CAVIN2: variants seen among roughly 807,000 people sequenced by gnomAD.
The protein encoded by CAVIN2 is caveolae associated protein 2.
In CAVIN2, 13 loss-of-function variants were observed where a neutral mutation model predicts 11.7. The observed-to-expected ratio is 1.11, with a 90% CI of 0.72 to 1.77. The LOEUF is 1.77. Ranked by LOEUF, CAVIN2 falls within the 40% of genes most tolerant of loss-of-function variation. The pLI, the probability that CAVIN2 is intolerant of heterozygous loss-of-function variation, is 0.00. For missense variants in CAVIN2, 549 were observed against 542.9 expected, an observed-to-expected ratio of 1.01 and a Z score of -0.11; for synonymous variants, 237 against 223.2, an observed-to-expected ratio of 1.06 and a Z score of -0.55.
intron 1 of CAVIN2, among the ~76,000 whole-genome samples, chr2:191,844,061 G>C (rs576733244): frequency 6.6e-6 from 1 of 152,234 alleles, no homozygotes; most frequent in East Asian, 1.9e-4. Flanking sequence ...TGTATGCTGG[G>C]TTTATTAAGT....
intron 1 of CAVIN2, among the ~76,000 whole-genome samples, chr2:191,836,990 CTG>C (rs1690031897): frequency 6.6e-6 from 1 of 152,118 alleles, no homozygotes; most frequent in African/African-American, 2.4e-5. Flanking sequence ...TGGGCAGTGA[CTG>C]AGATAGACCA....
chr2:191,841,514 C>A (rs1044470723), intron 1 of CAVIN2, among the ~76,000 whole-genome samples: 1 of 152,110 alleles, frequency 6.6e-6, no homozygotes, highest in African/African-American at 2.4e-5. Flanking sequence ...TTAAACTGAA[C>A]AATTATTAAG....
chr2:191,847,065 A>G lies in CAVIN2; in HGVS notation c.-140T>C. 2 of 1,092,490 alleles carry G rather than the reference A, an allele frequency of 1.8e-6. No homozygotes were observed. The highest frequency in any genetic ancestry group is 2.5e-5 in the East Asian group (1 of 40,436). 67.7% of individuals were successfully genotyped at this position (1,092,490 alleles called of 1,614,324 possible). A position where few individuals can be genotyped will look rare whatever the true frequency, so the allele number is the denominator to read the frequency against. On this transcript the variant is annotated 5_prime_UTR_variant, in exon 1 of 2. Transcript: ENST00000304141. ...CTCCAGGACTGGCAGAGGTTCAGAC[A>G]GGCAACAACTGGCTACGCTGATCAG...
At position 191,839,039 on chromosome 2, in the gene CAVIN2, T is replaced by A. The variant is rs146248377; in HGVS notation, c.484-2322A>T. Among the ~76,000 whole-genome samples the A allele has an allele frequency of 1.8e-4, 27 of 152,334 alleles. 1 individual carries two copies. In the East Asian group the frequency reaches 5.0e-3, roughly 28 times the overall value. On this transcript the variant is annotated intron_variant, in intron 1 of 1. Transcript: ENST00000304141. ...TGTTACTAAAAGAGGGTTAGACAAC[T>A]GAAATAGCTAAGGCTTGGATGCTTA...
At chr2:191,845,206 C>T (rs1435709984) in intron 1 of CAVIN2, among the ~76,000 whole-genome samples, 3 of 152,170 alleles carry the variant, frequency 2.0e-5, no homozygotes, top group African/African-American at 7.2e-5. Context: ...GACATAGGCT[C>T]CCTAAACCTT....
Position 191,842,419 on chromosome 2 carries a change from T to C in CAVIN2, c.483+4024A>G, listed in dbSNP as rs538480189. On this transcript the variant is annotated intron_variant, in intron 1 of 1. Coordinates refer to ENST00000304141, the MANE Select transcript of CAVIN2 (RefSeq NM_004657.6). ...TACTGCATCCTCAGGGCCAGTTACC[T>C]GTGAAATTCTAGTCTCTTAAATCAA... Among the ~76,000 whole-genome samples, 8 of 152,348 alleles carry C rather than the reference T, an allele frequency of 5.3e-5. No homozygotes were observed. In the South Asian group the frequency reaches 1.7e-3, roughly 32 times the overall value.
At chr2:191,842,363 C>A (rs1372255907) in intron 1 of CAVIN2, among the ~76,000 whole-genome samples, 1 of 152,180 alleles carries the variant, frequency 6.6e-6, no homozygotes, top group Non-Finnish European at 1.5e-5. Context: ...TTCAAATAAT[C>A]ATTACTAGAA....
At position 191,836,595 on chromosome 2, in the gene CAVIN2, G is replaced by A. The variant is rs761144582; in HGVS notation, c.606C>T (p.Leu202=). ...CGTGGGGCAAATCATCATCTGAGGA[G>A]AGGTCCACGGTGTGCAGGGTTTCCT... The part of the protein sequence containing the change: ...SLEETLHTVD[L]SSDDDLPHDE... The change falls in exon 2 of 2, where the codon CTC becomes CTT. Residue 202 remains leucine, a synonymous_variant. Transcript: ENST00000304141. The A allele has an allele frequency of 2.5e-6, 4 of 1,614,142 alleles. No individual in the cohort carries two copies. The highest frequency in any genetic ancestry group is 3.4e-6 in the Non-Finnish European group (4 of 1,180,034).
intron 1 of CAVIN2, among the ~76,000 whole-genome samples, chr2:191,838,358 C>T (rs899134734): frequency 6.6e-6 from 1 of 152,124 alleles, no homozygotes; most frequent in Non-Finnish European, 1.5e-5. Flanking sequence ...TATGATATTC[C>T]TTGAAAAATA....
At chr2:191,843,240 C>T (rs1227963649) in intron 1 of CAVIN2, among the ~76,000 whole-genome samples, 1 of 152,052 alleles carries the variant, frequency 6.6e-6, no homozygotes, top group East Asian at 1.9e-4. Context: ...CAAAACAGAC[C>T]TGTAGATTTC....
intron 1 of CAVIN2, among the ~76,000 whole-genome samples, chr2:191,837,804 T>A (rs1397369850): frequency 1.3e-5 from 2 of 152,264 alleles, no homozygotes; most frequent in Non-Finnish European, 2.9e-5. Context: ...TGTCTTCACA[T>A]CTTTTTTGAA....
intron 1 of CAVIN2, 151 bp downstream of exon 1, chr2:191,846,292 C>CT: frequency 1.0e-6 from 1 of 990,840 alleles, no homozygotes; most frequent in Non-Finnish European, 1.4e-6. Context: ...TTCACATTTG[C>CT]TTTCCGCAGG....
Position 191,836,274 on chromosome 2 carries a change from T to C in CAVIN2, c.927A>G (p.Ala309=), listed in dbSNP as rs115176180. 27 of 1,614,162 alleles carry C rather than the reference T, an allele frequency of 1.7e-5. No homozygotes were observed. In the African/African-American group the frequency reaches 3.5e-4, roughly 21 times the overall value. The change falls in exon 2 of 2, where the codon GCA becomes GCG. Residue 309 remains alanine, a synonymous_variant. Transcript: ENST00000304141. Reference sequence around the variant, plus strand: ...GGTCTTCTGACTTGGTCTCATTTTCTGCATGGCTTTCTCCCTCTCGGACTT... The same window carrying C: ...GGTCTTCTGACTTGGTCTCATTTTCCGCATGGCTTTCTCCCTCTCGGACTT... ...RKKVREGESH[A]ENETKSEDLP... is the part of the protein sequence containing the mutation.
chr2:191,842,519 C>T (rs966293225), intron 1 of CAVIN2, among the ~76,000 whole-genome samples: 8 of 152,272 alleles, frequency 5.3e-5, no homozygotes, highest in East Asian at 1.9e-4. Flanking sequence ...AGTAAATGAT[C>T]GCTGTGCTTA....
chr2:191,837,459 T>G (rs945683214), intron 1 of CAVIN2, among the ~76,000 whole-genome samples: 1 of 152,182 alleles, frequency 6.6e-6, no homozygotes, highest in East Asian at 1.9e-4. Context: ...CAGCCATAGT[T>G]TATCAATTCT....
At chr2:191,846,404 G>A in intron 1 of CAVIN2, 39 bp downstream of exon 1, 1 of 1,564,246 alleles carries the variant, frequency 6.4e-7, no homozygotes, top group Non-Finnish European at 8.7e-7. Context: ...ATGATAAGGA[G>A]TTCCAGCCCG....
At chr2:191,839,235 G>T (rs986972277) in intron 1 of CAVIN2, among the ~76,000 whole-genome samples, 1 of 152,210 alleles carries the variant, frequency 6.6e-6, no homozygotes, top group Non-Finnish European at 1.5e-5. Flanking sequence ...TTGGCTACCA[G>T]AGAAGAGGTA....
intron 1 of CAVIN2, among the ~76,000 whole-genome samples, chr2:191,846,072 C>T (rs1690161130): frequency 6.6e-6 from 1 of 152,210 alleles, no homozygotes; most frequent in South Asian, 2.1e-4. Context: ...TTTGCCCTGT[C>T]CAGCTAACAG....
rs763780780 is a variant in CAVIN2, at chr2:191,846,576, T to G, written c.350A>C (p.Lys117Thr). The G allele has an allele frequency of 3.7e-6, 6 of 1,614,266 alleles. No homozygotes were observed. The South Asian group carries it at 6.6e-5, about 18-fold the overall frequency. The stretch of plus-strand genomic sequence containing the variant: ...CGTGTGGGCGCTGACCTTGCGGGAC[T>G]TCTCCAGCAGCTTGCTCACCGTGTT... ...TSNTVSKLLE[K>T]SRKVSAHTRA... is the part of the protein sequence containing the mutation. Residue 117 changes from lysine (K) to threonine (T), a missense_variant, in exon 1 of 2, where the codon AAG (lysine) becomes ACG (threonine). Lys to Thr is a moderately conservative substitution (Grantham distance 78). Transcript: ENST00000304141.
Sources: allele counts gnomAD v4.1 joint callset (sites outside exome capture counted in the v4.1 genomes callset), GRCh38; gene constraint gnomAD v4.1.1; transcripts MANE v1.5; gene names NCBI Gene and HGNC (gene_info 2026-07-23, HGNC 2026-07-21).